Variants in NAE1 observed in about 807,000 individuals in gnomAD.
NAE1 encodes NEDD8-activating enzyme E1 regulatory subunit.
Under a neutral mutation model 88.0 loss-of-function variants are expected in NAE1, and 59 were observed. The ratio of observed to expected loss-of-function variants is 0.67; its 90% CI spans 0.54 to 0.83. The LOEUF (loss-of-function observed/expected upper bound fraction) is 0.83. Ranked by LOEUF, NAE1 falls within the 40% of genes least tolerant of loss-of-function variation. The pLI is 0.00. For synonymous variants in NAE1, 186 were observed against 208.9 expected (o/e 0.89, Z 0.95); for missense variants, 554 against 632.8 (o/e 0.88, Z 1.34).
intron 1 of NAE1, 63 bp from the exon 2 acceptor site, chr16:66,826,843 G>A: frequency 5.4e-6 from 8 of 1,468,244 alleles, no homozygotes; most frequent in Non-Finnish European, 7.4e-6. Context: ...TTTCTTATTT[G>A]AATGGTGATC....
Position 66,827,933 on chromosome 16 carries a change from G to A in NAE1, c.54-1153C>T, listed in dbSNP as rs7195853. 0.089 allele frequency: 134,410 copies of A among 1,516,906 alleles called. 12,613 individuals carry two copies. Among genetic ancestry groups the A allele is most frequent in the African/African-American group, 0.49 (35,694 of 73,192 alleles). The allele number at this position is 1,516,906 out of a possible 1,614,324, so 94.0% of individuals were successfully genotyped here. ...ACTCCTGGGTTCAAGCATTTCTCTC[G>A]CCTCAGCCTCTAGAGTTGCTGGGAC... On this transcript the variant is annotated intron_variant, in intron 1 of 19. Coordinates refer to ENST00000290810, the MANE Select transcript of NAE1 (RefSeq NM_003905.4).
intron 11 of NAE1, among the ~76,000 whole-genome samples, chr16:66,816,339 AT>A (rs1960044228): frequency 6.6e-6 from 1 of 151,840 alleles, no homozygotes; most frequent in Non-Finnish European, 1.5e-5. Context: ...TAATTTTTGT[AT>A]TTTTAGTAGA....
In NAE1 at chr16:66,816,591, T is replaced by C; in HGVS notation, c.830A>G (p.Asn277Ser). 2 of 1,607,454 alleles carry C rather than the reference T, an allele frequency of 1.2e-6. No homozygotes were observed. The highest frequency in any genetic ancestry group is 1.7e-6 in the Non-Finnish European group (2 of 1,174,520). ...EAIKNVNTAL[N>S]TTQIPSSIED... ...CAACTCTTTCATTACCTGAGTTGTATTTAGTGCTGTGTTCACATTTTTAAT... is the reference window on the plus strand; with the variant it reads ...CAACTCTTTCATTACCTGAGTTGTACTTAGTGCTGTGTTCACATTTTTAAT... Residue 277 changes from asparagine to serine, a missense_variant, in exon 11 of 20, where the codon AAT (asparagine) becomes AGT (serine). Transcript: ENST00000290810.
intron 3 of NAE1, among the ~76,000 whole-genome samples, chr16:66,825,341 G>A (rs1395165945): frequency 1.3e-5 from 2 of 151,870 alleles, no homozygotes; most frequent in Non-Finnish European, 2.9e-5. Context: ...CAGCTACTCG[G>A]AAGGCTGAGG....
intron 1 of NAE1, among the ~76,000 whole-genome samples, chr16:66,828,598 C>T (rs1255351785): frequency 6.6e-6 from 1 of 151,674 alleles, no homozygotes; most frequent in Admixed American, 6.6e-5. Flanking sequence ...CACTCCAGCC[C>T]AGGAGATCAA....
rs771637198 is a variant in NAE1, at chr16:66,813,598, C to A, written c.1000G>T (p.Ala334Ser). The change falls in exon 13 of 20, where the codon GCA becomes TCA. Residue 334 changes from alanine (A) to serine (S), a missense_variant. By Grantham distance (99) the Ala-to-Ser change is moderately conservative. Transcript: ENST00000290810. ...PVRGTIPDMI[A>S]DSGKYIKLQN... ...AGTTTTATATATTTGCCTGAATCTG[C>A]AATCATATCAGGAATTGTGCCTCGA... 1.9e-6 allele frequency: 3 copies of A among 1,613,532 alleles called. No individual in the cohort carries two copies. In the South Asian group the frequency reaches 3.3e-5, roughly 18 times the overall value.
chr16:66,804,821 T>TC (rs71268471), intron 19 of NAE1, among the ~76,000 whole-genome samples: 3 of 151,714 alleles, frequency 2.0e-5, no homozygotes, highest in African/African-American at 2.4e-5. Context: ...ATTTTTTTTT[T>TC]CACCATGTGA....
At chr16:66,803,245 A>T in intron 19 of NAE1, 127 bp from the exon 20 acceptor site, 1 of 628,276 alleles carries the variant, frequency 1.6e-6, no homozygotes, top group South Asian at 2.0e-5. Flanking sequence ...AAACAGATGC[A>T]GTTAGCTTAC....
At chr16:66,830,795 G>T in intron 1 of NAE1, 52 bp downstream of exon 1, 2 of 1,493,612 alleles carry the variant, frequency 1.3e-6, no homozygotes, top group South Asian at 1.2e-5. Flanking sequence ...GGCCCGGCCC[G>T]AATGCTGGAA....
chr16:66,817,927 GA>G (rs1050465576), intron 8 of NAE1, among the ~76,000 whole-genome samples: 20 of 152,166 alleles, frequency 1.3e-4, no homozygotes, highest in African/African-American at 4.8e-4. Context: ...GAACTTCTTG[GA>G]ATTTTTTTAT....
intron 1 of NAE1, among the ~76,000 whole-genome samples, 180 bp from the exon 2 acceptor site, chr16:66,826,960 C>A (rs1960486327): frequency 6.6e-6 from 1 of 152,020 alleles, no homozygotes; most frequent in Non-Finnish European, 1.5e-5. Flanking sequence ...CAGGTTGATG[C>A]CTTGAATGGT....
intron 17 of NAE1, 39 bp downstream of exon 17, chr16:66,808,482 A>C: frequency 7.8e-7 from 1 of 1,275,926 alleles, no homozygotes; most frequent in African/African-American, 1.5e-5. Context: ...GTTTTATTGA[A>C]GATCTTATTA....
intron 6 of NAE1, 151 bp downstream of exon 6, chr16:66,823,076 C>CAAAA (rs776599321): frequency 1.5e-4 from 22 of 151,682 alleles, no homozygotes; most frequent in South Asian, 1.9e-4. Flanking sequence ...AGCTCAAGCT[C>CAAAA]AAAAAAAAAA....
At chr16:66,824,679 G>A (rs960680665) in intron 4 of NAE1, 176 bp downstream of exon 4, 14 of 549,876 alleles carry the variant, frequency 2.5e-5, no homozygotes, top group Middle Eastern at 4.9e-4. Context: ...AACACAGACA[G>A]TACACCTCTA....
At chr16:66,810,829 T>C in intron 13 of NAE1, 57 bp from the exon 14 acceptor site, 1 of 1,512,540 alleles carries the variant, frequency 6.6e-7, no homozygotes, top group Non-Finnish European at 9.0e-7. Context: ...AAATTTAAAT[T>C]GTTACCATGA....
chr16:66,822,383 C>T (rs1960298760), intron 6 of NAE1, among the ~76,000 whole-genome samples: 1 of 152,046 alleles, frequency 6.6e-6, no homozygotes, highest in Admixed American at 6.6e-5. Context: ...TCAGCCTGGC[C>T]AACATGGTGA....
At position 66,813,550 on chromosome 16, in the gene NAE1, A is replaced by G. The variant is rs1490143174; in HGVS notation, c.1034+14T>C. On this transcript the variant is annotated intron_variant, in intron 13 of 19. Coordinates refer to ENST00000290810, the MANE Select transcript of NAE1 (RefSeq NM_003905.4). ...AGACTTTTTCTATTACATAGTTTGA[A>G]AACAGTGACATACACGTTTTGCAGT... The G allele has an allele frequency of 2.5e-6, 4 of 1,596,910 alleles. No homozygotes were observed. Among genetic ancestry groups the G allele is most frequent in the South Asian group, 1.1e-5 (1 of 87,432 alleles).
intron 5 of NAE1, 84 bp downstream of exon 5, chr16:66,823,445 T>C: frequency 7.2e-7 from 1 of 1,386,036 alleles, no homozygotes; most frequent in Non-Finnish European, 1.0e-6. Context: ...GACACAAAGA[T>C]TCAAAATTCT....
intron 7 of NAE1, 95 bp from the exon 8 acceptor site, chr16:66,818,732 T>C: frequency 7.0e-7 from 1 of 1,418,920 alleles, no homozygotes; most frequent in Non-Finnish European, 9.2e-7. Context: ...TGAAGTACAG[T>C]GGCACAATCA....
Sources: gnomAD v4.1 joint callset for allele counts (sites outside exome capture counted in the v4.1 genomes callset) on GRCh38, gnomAD v4.1.1 for gene constraint, MANE v1.5 for transcripts, NCBI Gene and HGNC (gene_info 2026-07-23, HGNC 2026-07-21) for gene names.